SPIRE1: variants seen among roughly 807,000 people sequenced by gnomAD.
SPIRE1 encodes the protein spire type actin nucleation factor 1, also known as protein spire homolog 1.
A neutral mutation model predicts 94.1 loss-of-function variants in SPIRE1; 40 were observed. The ratio of observed to expected loss-of-function variants is 0.43; its 90% confidence interval spans 0.33 to 0.55. SPIRE1 has a LOEUF of 0.55. Among genes scored for constraint, SPIRE1 ranks in the 20% least tolerant of loss-of-function variants. SPIRE1 has a pLI of 0.06. For synonymous variants in SPIRE1, 376 were observed against 371.7 expected, an observed-to-expected ratio of 1.01 and a Z score of -0.13; for missense variants, 838 against 975.2, an observed-to-expected ratio of 0.86 and a Z score of 1.87.
chr18:12,576,581 C>CAAAA (rs762895518), intron 2 of SPIRE1, among the ~76,000 whole-genome samples: 1 of 31,010 alleles, frequency 3.2e-5, no homozygotes, highest in African/African-American at 1.1e-4. Context: ...GACTCCATCT[C>CAAAA]AAAAAAAAAA....
chr18:12,583,525 C>T (rs1252093779), intron 2 of SPIRE1, among the ~76,000 whole-genome samples: 1 of 152,072 alleles, frequency 6.6e-6, no homozygotes, highest in East Asian at 1.9e-4. Flanking sequence ...TCGCTTGAAC[C>T]TGGGAGGTGA....
chr18:12,641,600 C>T (rs1008565395), intron 1 of SPIRE1, among the ~76,000 whole-genome samples: 2 of 151,804 alleles, frequency 1.3e-5, no homozygotes, highest in African/African-American at 4.8e-5. Flanking sequence ...ATCTCTTGAC[C>T]TCATGATCCG....
At chr18:12,572,004 AG>A (rs1310923959) in intron 2 of SPIRE1, among the ~76,000 whole-genome samples, 1 of 152,242 alleles carries the variant, frequency 6.6e-6, no homozygotes, top group Non-Finnish European at 1.5e-5. Context: ...AAGAGAGTAA[AG>A]TTTAAACAGA....
upstream of SPIRE1, chr18:12,658,235 G>A (rs1389911334): frequency 2.0e-6 from 1 of 493,388 alleles, no homozygotes; most frequent in East Asian, 8.2e-5. Flanking sequence ...GCCTCGCCTC[G>A]AGGCGAGATG....
chr18:12,556,846 T>G (rs1343160380), intron 2 of SPIRE1, among the ~76,000 whole-genome samples: 2 of 152,102 alleles, frequency 1.3e-5, no homozygotes, highest in African/African-American at 2.4e-5. Flanking sequence ...GCTTCCACAG[T>G]GTGGAAGGGG....
chr18:12,553,369 G>T (rs1034873160), intron 2 of SPIRE1, among the ~76,000 whole-genome samples: 3 of 152,066 alleles, frequency 2.0e-5, no homozygotes, highest in African/African-American at 7.2e-5. Context: ...TGAGTCCCAG[G>T]GCCTGGCAGC....
At chr18:12,577,042 G>C (rs1230937590) in intron 2 of SPIRE1, among the ~76,000 whole-genome samples, 2 of 152,100 alleles carry the variant, frequency 1.3e-5, no homozygotes, top group African/African-American at 2.4e-5. Context: ...TAGTTCAATG[G>C]GGAAAGGATA....
chr18:12,490,151 T>C (rs1022879109), intron 8 of SPIRE1, among the ~76,000 whole-genome samples: 6 of 152,206 alleles, frequency 3.9e-5, no homozygotes, highest in African/African-American at 1.2e-4. Flanking sequence ...ACAATATCTT[T>C]CTGTAACAGC....
Position 12,657,635 on chromosome 18 carries a change from G to A in SPIRE1, c.232C>T (p.Pro78Ser). 1 of 1,315,294 alleles carries A rather than the reference G, an allele frequency of 7.6e-7. No individual in the cohort carries two copies. Among genetic ancestry groups the A allele is most frequent in the East Asian group, 3.2e-5 (1 of 31,208 alleles). The allele number at this position is 1,315,294 out of a possible 1,614,324, so 81.5% of individuals were successfully genotyped here. ...GCGGCCGAGCGCACACGGTGGCGGG[G>A]CTGGCGGCGGCGGGCGGCGGCGCGC... ...SLRAAARRRQ[P>S]RHRVRSAAQI... Residue 78 changes from proline to serine, a missense_variant, in exon 1 of 17, where the codon CCC (proline) becomes TCC (serine). Pro to Ser is a moderately conservative substitution (Grantham distance 74). Transcript: ENST00000409402.
At chr18:12,566,237 G>A (rs1331600260) in intron 2 of SPIRE1, among the ~76,000 whole-genome samples, 1 of 151,886 alleles carries the variant, frequency 6.6e-6, no homozygotes, top group East Asian at 1.9e-4. Flanking sequence ...ACGGGAGGCT[G>A]AGGCAGGAGA....
chr18:12,604,381 G>A (rs1198371561), intron 2 of SPIRE1, among the ~76,000 whole-genome samples: 1 of 152,114 alleles, frequency 6.6e-6, no homozygotes, highest in Non-Finnish European at 1.5e-5. Context: ...CTGGTAGGGA[G>A]AAATCCCCAC....
intron 2 of SPIRE1, among the ~76,000 whole-genome samples, chr18:12,574,500 G>C (rs1366126779): frequency 6.6e-6 from 1 of 152,212 alleles, no homozygotes; most frequent in Non-Finnish European, 1.5e-5. Flanking sequence ...AGCTAGTAGG[G>C]ATAGTGGTAG....
At chr18:12,510,637 G>T (rs2034006978) in intron 5 of SPIRE1, among the ~76,000 whole-genome samples, 1 of 151,744 alleles carries the variant, frequency 6.6e-6, no homozygotes, top group South Asian at 2.1e-4. Flanking sequence ...CCACCTCCCA[G>T]GTTCAAGCTA....
intron 4 of SPIRE1, among the ~76,000 whole-genome samples, chr18:12,530,502 C>A (rs1281894139): frequency 6.6e-6 from 1 of 152,112 alleles, no homozygotes; most frequent in East Asian, 1.9e-4. Flanking sequence ...TCCCAAGCAG[C>A]TAGGATTCCA....
At chr18:12,660,755 CT>C (rs557539097), upstream of SPIRE1, among the ~76,000 whole-genome samples, 55 of 146,970 alleles carry the variant, frequency 3.7e-4, no homozygotes, top group Non-Finnish European at 3.9e-4. Context: ...AACAGAAGGG[CT>C]TTTTTTTTTA....
chr18:12,463,290 C>A, intron 12 of SPIRE1, 61 bp downstream of exon 12: 1 of 1,441,292 alleles, frequency 6.9e-7, no homozygotes, highest in Non-Finnish European at 9.3e-7. Context: ...CATAAGAAAG[C>A]TAATGATTCT....
At chr18:12,642,172 C>T (rs1438616081) in intron 1 of SPIRE1, among the ~76,000 whole-genome samples, 1 of 152,166 alleles carries the variant, frequency 6.6e-6, no homozygotes, top group Non-Finnish European at 1.5e-5. Flanking sequence ...TTCATCTGTT[C>T]ATTCACCAAC....
At chr18:12,500,348 C>T (rs1237633502) in intron 6 of SPIRE1, among the ~76,000 whole-genome samples, 2 of 152,146 alleles carry the variant, frequency 1.3e-5, no homozygotes, top group Non-Finnish European at 2.9e-5. Context: ...GGTTCACAAG[C>T]ACATGAAAAC....
chr18:12,551,591 G>A (rs746121250), intron 2 of SPIRE1, among the ~76,000 whole-genome samples: 1 of 151,978 alleles, frequency 6.6e-6, no homozygotes, highest in Non-Finnish European at 1.5e-5. Context: ...TGTAGTCCCA[G>A]CTACTCAGGA....
Sources: gnomAD v4.1 joint callset for allele counts (sites outside exome capture counted in the v4.1 genomes callset) on GRCh38, gnomAD v4.1.1 for gene constraint, MANE v1.5 for transcripts, NCBI Gene and HGNC (gene_info 2026-07-23, HGNC 2026-07-21) for gene names.